PACRG: variants seen among roughly 807,000 people sequenced by gnomAD.
The protein encoded by PACRG is parkin coregulated gene protein.
In PACRG, 29 loss-of-function variants were observed where a neutral mutation model predicts 29.7. The ratio of observed to expected loss-of-function variants is 0.98; its 90% CI spans 0.73 to 1.33. The LOEUF is 1.33. PACRG is among the 40% of genes most tolerant of loss of function. The pLI is 0.00. For synonymous variants in PACRG, 116 were observed against 118.7 expected (o/e 0.98, Z 0.15); for missense variants, 279 against 316.2 (o/e 0.88, Z 0.89).
intron 4 of PACRG, among the ~76,000 whole-genome samples, chr6:163,148,597 A>G (rs1454458132): frequency 6.6e-6 from 1 of 152,136 alleles, no homozygotes; most frequent in Admixed American, 6.5e-5. Context: ...GTAGTGGCAT[A>G]CCCAGTATTC....
At chr6:163,204,576 A>T (rs1585330324) in intron 4 of PACRG, among the ~76,000 whole-genome samples, 1 of 152,276 alleles carries the variant, frequency 6.6e-6, no homozygotes, top group Non-Finnish European at 1.5e-5. Context: ...TCTAGAAACG[A>T]GGAGAGGTAG....
intron 2 of PACRG, among the ~76,000 whole-genome samples, chr6:162,875,349 G>T (rs1793240539): frequency 6.7e-6 from 1 of 149,002 alleles, no homozygotes. Flanking sequence ...ACACAGTCAT[G>T]CACACACATT....
At chr6:163,010,525 A>G (rs1805514447) in intron 2 of PACRG, among the ~76,000 whole-genome samples, 1 of 152,106 alleles carries the variant, frequency 6.6e-6, no homozygotes, top group South Asian at 2.1e-4. Flanking sequence ...GCCCCACCTC[A>G]TTTAGCCCTC....
chr6:163,298,385 T>C (rs1014383656), intron 4 of PACRG, among the ~76,000 whole-genome samples: 2 of 152,138 alleles, frequency 1.3e-5, no homozygotes, highest in African/African-American at 4.8e-5. Flanking sequence ...AAACACAATT[T>C]TACTTCTAAC....
chr6:162,892,500 T>C lies in PACRG; in HGVS notation c.291+78219T>C, dbSNP rs559935964. ...AACCTTTCCTGATCATTCCTGGACA[T>C]GAGGCTTCTCTCTTTACCCTAACAA... On this transcript the variant is annotated intron_variant, in intron 2 of 4. Coordinates refer to ENST00000366888, the MANE Select transcript of PACRG (RefSeq NM_001080379.2). Among the ~76,000 whole-genome samples the C allele has an allele frequency of 9.9e-5, 15 of 152,262 alleles. No individual in the cohort carries two copies. The South Asian group carries it at 2.7e-3, about 27-fold the overall frequency.
At chr6:162,727,757 G>A (rs745536814), upstream of PACRG, 33 of 1,383,774 alleles carry the variant, frequency 2.4e-5, no homozygotes, top group Middle Eastern at 1.8e-4. Flanking sequence ...GCTCTCCTGG[G>A]TTAAATCCTC....
At chr6:162,812,165 A>C (rs1465337853) in intron 1 of PACRG, among the ~76,000 whole-genome samples, 1 of 152,158 alleles carries the variant, frequency 6.6e-6, no homozygotes, top group Non-Finnish European at 1.5e-5. Flanking sequence ...TGTCTGTATC[A>C]ATGTCAATAA....
intron 4 of PACRG, among the ~76,000 whole-genome samples, chr6:163,259,953 T>C (rs963983798): frequency 2.6e-5 from 4 of 152,186 alleles, no homozygotes; most frequent in Admixed American, 6.5e-5. Context: ...GGTCCGGTCC[T>C]CTGATGATGT....
At chr6:163,234,222 C>A (rs1017307545) in intron 4 of PACRG, among the ~76,000 whole-genome samples, 3 of 130,632 alleles carry the variant, frequency 2.3e-5, no homozygotes, top group Non-Finnish European at 4.8e-5. Flanking sequence ...ATTTGATCTG[C>A]AATGTTTGAA....
At chr6:162,994,562 G>A (rs901190341) in intron 2 of PACRG, among the ~76,000 whole-genome samples, 4 of 151,732 alleles carry the variant, frequency 2.6e-5, no homozygotes, top group African/African-American at 7.3e-5. Flanking sequence ...CATTCTTCAC[G>A]TAGTTCTCGA....
At chr6:163,026,066 AT>A (rs1191446483) in intron 2 of PACRG, among the ~76,000 whole-genome samples, 27 of 152,372 alleles carry the variant, frequency 1.8e-4, no homozygotes, top group Admixed American at 1.4e-3. Context: ...AGTTGGGCAC[AT>A]CACATTGCCC....
chr6:163,211,101 T>A (rs898910199), intron 4 of PACRG, among the ~76,000 whole-genome samples: 14 of 145,018 alleles, frequency 9.7e-5, no homozygotes, highest in African/African-American at 4.0e-4. Flanking sequence ...TCCCACCACC[T>A]TTTTTTTAAA....
At chr6:163,029,507 A>G (rs1371056602) in intron 2 of PACRG, among the ~76,000 whole-genome samples, 1 of 151,886 alleles carries the variant, frequency 6.6e-6, no homozygotes, top group African/African-American at 2.4e-5. Flanking sequence ...TCCAGGGGAT[A>G]AAGATAGTGT....
chr6:163,045,434 T>A (rs1809232848), intron 2 of PACRG, among the ~76,000 whole-genome samples: 1 of 152,076 alleles, frequency 6.6e-6, no homozygotes, highest in African/African-American at 2.4e-5. Context: ...CTCCCATTCT[T>A]CTGCCTCAGG....
At chr6:163,264,178 G>A (rs535296682) in intron 4 of PACRG, among the ~76,000 whole-genome samples, 7 of 152,182 alleles carry the variant, frequency 4.6e-5, no homozygotes, top group Non-Finnish European at 8.8e-5. Context: ...AACTTCTCAC[G>A]TCGAATCATT....
intron 1 of PACRG, among the ~76,000 whole-genome samples, chr6:162,801,778 A>G (rs1248481443): frequency 1.3e-5 from 2 of 152,174 alleles, no homozygotes; most frequent in Non-Finnish European, 2.9e-5. Context: ...ATTTTTGGTT[A>G]TAAGATTGTA....
chr6:163,084,223 T>G (rs916259739), intron 3 of PACRG, among the ~76,000 whole-genome samples: 4 of 152,212 alleles, frequency 2.6e-5, no homozygotes, highest in Admixed American at 6.5e-5. Flanking sequence ...TGACAATAGC[T>G]TTCAGGCCCA....
chr6:163,236,489 G>A (rs941346778), intron 4 of PACRG, among the ~76,000 whole-genome samples: 5 of 152,212 alleles, frequency 3.3e-5, no homozygotes, highest in Non-Finnish European at 5.9e-5. Flanking sequence ...CTGACTGGTT[G>A]AAGATTTAGT....
intron 4 of PACRG, among the ~76,000 whole-genome samples, chr6:163,215,859 C>A (rs1452049715): frequency 6.6e-6 from 1 of 152,200 alleles, no homozygotes; most frequent in Non-Finnish European, 1.5e-5. Context: ...TAGACAAATA[C>A]TGAAGCATAC....
Sources: allele counts gnomAD v4.1 joint callset (sites outside exome capture counted in the v4.1 genomes callset), GRCh38; gene constraint gnomAD v4.1.1; transcripts MANE v1.5; gene names NCBI Gene and HGNC (gene_info 2026-07-23, HGNC 2026-07-21).